Variants in CFAP299 observed in about 807,000 individuals in gnomAD.
CFAP299 encodes the protein cilia- and flagella-associated protein 299.
In CFAP299, 21 loss-of-function variants were observed where a neutral mutation model predicts 27.0. The observed-to-expected ratio is 0.78, with a 90% CI of 0.55 to 1.12. CFAP299 has a LOEUF of 1.12. CFAP299 is among the 50% of genes most tolerant of loss of function. CFAP299 has a pLI of 0.00. For synonymous variants in CFAP299, 104 were observed against 98.1 expected, an observed-to-expected ratio of 1.06 and a Z score of -0.36; for missense variants, 310 against 276.6, an observed-to-expected ratio of 1.12 and a Z score of -0.86.
rs572072128 is a variant in CFAP299 at position 80,690,243 on chromosome 4, T to C, written c.333+107060T>C. Among the ~76,000 whole-genome samples the C allele has an allele frequency of 5.0e-3, 761 of 150,918 alleles. 5 individuals carry two copies. The highest frequency in any genetic ancestry group is 0.02 in the Middle Eastern group (6 of 294). On this transcript the variant is annotated intron_variant, in intron 3 of 5. Transcript: ENST00000358105. ...ACCCCAAATCAACAGAATATACATT[T>C]TTTTCAGCACCACACCACACCTATT...
intron 3 of CFAP299, among the ~76,000 whole-genome samples, chr4:80,773,026 G>T (rs1409432241): frequency 2.6e-5 from 4 of 152,112 alleles, no homozygotes; most frequent in Non-Finnish European, 5.9e-5. Flanking sequence ...ATACTATGCA[G>T]CCATAAGAAA....
intron 4 of CFAP299, among the ~76,000 whole-genome samples, chr4:80,875,492 T>C (rs2110171917): frequency 6.6e-6 from 1 of 152,042 alleles, no homozygotes; most frequent in South Asian, 2.1e-4. Flanking sequence ...AAACCCCGTC[T>C]CTACTAAAAA....
intron 3 of CFAP299, among the ~76,000 whole-genome samples, chr4:80,707,457 A>C (rs1293271426): frequency 1.3e-5 from 2 of 152,028 alleles, no homozygotes; most frequent in African/African-American, 4.8e-5. Flanking sequence ...AGAAACCACC[A>C]CTGAGACCAT....
intron 3 of CFAP299, among the ~76,000 whole-genome samples, chr4:80,589,695 C>T (rs1736625611): frequency 6.6e-6 from 1 of 152,116 alleles, no homozygotes; most frequent in South Asian, 2.1e-4. Flanking sequence ...GGAAAAGACA[C>T]TCAGCTGTAC....
At chr4:80,600,719 A>G (rs1337684350) in intron 3 of CFAP299, among the ~76,000 whole-genome samples, 6 of 152,124 alleles carry the variant, frequency 3.9e-5, no homozygotes, top group African/African-American at 1.4e-4. Flanking sequence ...CATGGGAATA[A>G]ACAACTCCTG....
At chr4:80,401,429 C>T (rs914520576) in intron 2 of CFAP299, among the ~76,000 whole-genome samples, 6 of 152,174 alleles carry the variant, frequency 3.9e-5, no homozygotes, top group Non-Finnish European at 5.9e-5. Context: ...CTCAGCTGCT[C>T]CAGCCATGGC....
In CFAP299 at chr4:80,689,111, G is replaced by C. The variant is rs371696586; in HGVS notation, c.333+105928G>C. ...GGGGAGAATGGAACCAAGTTGGAAA[G>C]CACTCTGCAGGATATTATCCAGGAG... On this transcript the variant is annotated intron_variant, in intron 3 of 5. Coordinates refer to ENST00000358105, the MANE Select transcript of CFAP299 (RefSeq NM_152770.3). Among the ~76,000 whole-genome samples, 4 of 152,050 alleles carry C rather than the reference G, an allele frequency of 2.6e-5. No homozygotes were observed. The East Asian group carries it at 7.7e-4, about 29-fold the overall frequency.
intron 2 of CFAP299, among the ~76,000 whole-genome samples, chr4:80,457,513 C>T (rs750254833): frequency 7.2e-5 from 11 of 152,026 alleles, no homozygotes; most frequent in African/African-American, 1.2e-4. Flanking sequence ...TAGAAGACAC[C>T]GGAACAAATT....
At chr4:80,471,050 G>C (rs1019422983) in intron 2 of CFAP299, among the ~76,000 whole-genome samples, 1 of 151,708 alleles carries the variant, frequency 6.6e-6, no homozygotes, top group African/African-American at 2.4e-5. Flanking sequence ...GAATAACCTC[G>C]TACAGGGAGT....
intron 3 of CFAP299, among the ~76,000 whole-genome samples, chr4:80,675,808 C>T (rs1408107436): frequency 6.6e-6 from 1 of 152,250 alleles, no homozygotes; most frequent in Non-Finnish European, 1.5e-5. Context: ...CCTGCACTAG[C>T]AGTGAGCAAG....
At chr4:80,413,135 GAA>G (rs3037371) in intron 2 of CFAP299, among the ~76,000 whole-genome samples, 28,841 of 152,130 alleles carry the variant, frequency 0.19, 2,893 homozygotes, top group South Asian at 0.29. Context: ...GCGATAACAT[GAA>G]AAGTATGGGT....
intron 3 of CFAP299, among the ~76,000 whole-genome samples, chr4:80,842,182 T>C (rs1360591641): frequency 6.6e-6 from 1 of 152,130 alleles, no homozygotes; most frequent in Non-Finnish European, 1.5e-5. Flanking sequence ...CTGTATGTTG[T>C]TGAGCAATAT....
intron 2 of CFAP299, chr4:80,386,644 C>G: frequency 6.3e-7 from 1 of 1,594,280 alleles, no homozygotes; most frequent in Non-Finnish European, 8.6e-7. Flanking sequence ...TGTAGTAGCC[C>G]GTGTGGGCGC....
At chr4:80,386,540 A>G (rs1725016054) in intron 2 of CFAP299, 2 of 1,592,068 alleles carry the variant, frequency 1.3e-6, no homozygotes, top group South Asian at 1.1e-5. Context: ...CCGGGTTTGC[A>G]GGTCCTTTTC....
At chr4:80,958,226 G>C (rs1738165359) in intron 5 of CFAP299, among the ~76,000 whole-genome samples, 1 of 152,158 alleles carries the variant, frequency 6.6e-6, no homozygotes. Flanking sequence ...GAGTAGACCA[G>C]ATTGTACAGA....
intron 2 of CFAP299, among the ~76,000 whole-genome samples, chr4:80,383,771 A>G (rs1332735759): frequency 6.6e-6 from 1 of 152,052 alleles, no homozygotes; most frequent in African/African-American, 2.4e-5. Context: ...ATATTGAGCA[A>G]TTGTCTTAAA....
At chr4:80,455,866 G>A (rs1410461067) in intron 2 of CFAP299, among the ~76,000 whole-genome samples, 1 of 151,834 alleles carries the variant, frequency 6.6e-6, no homozygotes, top group Non-Finnish European at 1.5e-5. Flanking sequence ...AAGCACCAAG[G>A]AATACAGTAG....
At chr4:80,775,078 A>C in intron 3 of CFAP299, among the ~76,000 whole-genome samples, 2 of 151,346 alleles carry the variant, frequency 1.3e-5, no homozygotes, top group East Asian at 3.9e-4. Context: ...AAATAAAAAA[A>C]AAAGAAAAAG....
At chr4:80,616,311 C>T (rs1738274355) in intron 3 of CFAP299, among the ~76,000 whole-genome samples, 1 of 151,946 alleles carries the variant, frequency 6.6e-6, no homozygotes, top group African/African-American at 2.4e-5. Flanking sequence ...TATGCTAATA[C>T]TTCATATAAA....
Sources: allele counts gnomAD v4.1 joint callset (sites outside exome capture counted in the v4.1 genomes callset), GRCh38; gene constraint gnomAD v4.1.1; transcripts MANE v1.5; gene names NCBI Gene and HGNC (gene_info 2026-07-23, HGNC 2026-07-21).